MACF1: variants seen among roughly 807,000 people sequenced by gnomAD.
The protein encoded by MACF1 is microtubule actin crosslinking factor 1.
In MACF1, 193 loss-of-function variants were observed where a neutral mutation model predicts 854.8. The ratio of observed to expected loss-of-function variants is 0.23; its 90% CI spans 0.20 to 0.25. The LOEUF is 0.25. MACF1 is among the 10% of genes least tolerant of loss of function. MACF1 has a pLI of 1.00. For missense variants in MACF1, 7,722 were observed against 8,929.1 expected (o/e 0.86, Z 5.45); for synonymous variants, 3,185 against 3,226.7 (o/e 0.99, Z 0.44).
At chr1:39,100,909 C>CGT (rs1557452511) in intron 2 of MACF1, among the ~76,000 whole-genome samples, 4 of 151,124 alleles carry the variant, frequency 2.6e-5, no homozygotes, top group African/African-American at 9.7e-5. Flanking sequence ...TACAAATGCA[C>CGT]GCGCGCGTGT....
rs1044293800 is a variant in MACF1, at chr1:39,100,021, G to A, written c.220+15583G>A. Reference sequence around the variant, plus strand: ...ACTTGAGCCCAAGAGTTCGAGACCAGCCTGGACAGTATGGTGAAATCCTGT... The same window carrying A: ...ACTTGAGCCCAAGAGTTCGAGACCAACCTGGACAGTATGGTGAAATCCTGT... On this transcript the variant is annotated intron_variant, in intron 2 of 93. Coordinates refer to the MACF1 transcript ENST00000361689. Among the ~76,000 whole-genome samples, 48 of 152,168 alleles carry A rather than the reference G, an allele frequency of 3.2e-4. 1 individual carries two copies. Among genetic ancestry groups the A allele is most frequent in the Admixed American group, 3.1e-3 (48 of 15,282 alleles).
intron 2 of MACF1, among the ~76,000 whole-genome samples, chr1:39,246,453 C>T (rs1287701440): frequency 1.3e-5 from 2 of 152,178 alleles, no homozygotes; most frequent in Non-Finnish European, 2.9e-5. Flanking sequence ...GTTAATGGTC[C>T]ACTACTGTTG....
Position 39,441,285 on chromosome 1 carries a change from A to T in MACF1, c.18632A>T (p.Asp6211Val), listed in dbSNP as rs929681931. 6 of 1,614,188 alleles carry T rather than the reference A, an allele frequency of 3.7e-6. No individual in the cohort carries two copies. Among genetic ancestry groups the T allele is most frequent in the African/African-American group, 2.7e-5 (2 of 75,060 alleles). ...TWKERLEKLE[D>V]AMQAAVQYQD... ...AAAGAGAGGCTAGAAAAACTTGAGG[A>T]TGCTATGCAAGCTGCTGTGCAGTAT... The change falls in exon 74 of 101, where the codon GAT becomes GTT. Residue 6211 changes from aspartate (D) to valine (V), a missense_variant. Physicochemically the swap from Asp to Val is radical, Grantham distance 152. This residue lies in a region of MACF1 where 2,807 missense variants were observed against 3,235.8 expected (regional missense o/e 0.87). Coordinates refer to ENST00000564288, the MANE Select transcript of MACF1 (RefSeq NM_001394062.1).
In MACF1 at chr1:39,444,654, T is replaced by C; in HGVS notation, c.19432-8T>C. 3 of 1,603,692 alleles carry C rather than the reference T, an allele frequency of 1.9e-6. No homozygotes were observed. Among genetic ancestry groups the C allele is most frequent in the Non-Finnish European group, 2.6e-6 (3 of 1,172,880 alleles). On this transcript the variant is annotated splice_region_variant and splice_polypyrimidine_tract_variant and intron_variant, in intron 79 of 100. Coordinates refer to ENST00000564288, the MANE Select transcript of MACF1 (RefSeq NM_001394062.1). ...TAGAATTGATATCTTTCCTGCCTTT[T>C]CTTGTAGGAACTCTATTCCCAGCTG...
intron 65 of MACF1, 57 bp downstream of exon 65, chr1:39,430,125 TA>T (rs1643849728): frequency 6.4e-7 from 1 of 1,559,102 alleles, no homozygotes; most frequent in Non-Finnish European, 8.7e-7. Flanking sequence ...TCAGAATCCT[TA>T]AGTTTTATCA....
intron 72 of MACF1, among the ~76,000 whole-genome samples, chr1:39,440,781 C>A (rs574169119): frequency 6.6e-6 from 1 of 151,978 alleles, no homozygotes. Context: ...CCTCACCATA[C>A]CTTTTCTATA....
chr1:39,359,185 A>T lies in MACF1; in HGVS notation c.12165A>T (p.Lys4055Asn). The T allele has an allele frequency of 6.2e-7, 1 of 1,613,704 alleles. No homozygotes were observed. Among genetic ancestry groups the T allele is most frequent in the Non-Finnish European group, 8.5e-7 (1 of 1,179,956 alleles). Reference sequence around the variant, plus strand: ...CTGAGCACCAAGTACCTGTGGAAAAACTCCAAAAAGTAGCTCGTGACATAA... The same window carrying T: ...CTGAGCACCAAGTACCTGTGGAAAATCTCCAAAAAGTAGCTCGTGACATAA... ...ELAEHQVPVEKLQKVARDIME... is the reference protein window; with the variant it reads ...ELAEHQVPVENLQKVARDIME... Residue 4055 changes from lysine to asparagine, a missense_variant, in exon 47 of 101, where the codon AAA becomes AAT. Lys to Asn is a moderately conservative substitution (Grantham distance 94). Coordinates refer to ENST00000564288, the MANE Select transcript of MACF1 (RefSeq NM_001394062.1).
chr1:39,436,231 A>C lies in MACF1; in HGVS notation c.17988+470A>C, dbSNP rs180977692. Among the ~76,000 whole-genome samples, 84 of 152,324 alleles carry C rather than the reference A, an allele frequency of 5.5e-4. 1 individual carries two copies. The East Asian group carries it at 0.011, about 20-fold the overall frequency. ...AAGCATAAACCAGCAGAGGGATTTA[A>C]AGCATGTAACTACATACTTTCAACT... On this transcript the variant is annotated intron_variant, in intron 70 of 100. Transcript: ENST00000564288.
chr1:39,414,418 A>G (rs563855691), intron 58 of MACF1: 3 of 1,614,044 alleles, frequency 1.9e-6, no homozygotes, highest in East Asian at 2.2e-5. Flanking sequence ...AGAGGTGACC[A>G]GCACAGTGCT....
intron 2 of MACF1, among the ~76,000 whole-genome samples, chr1:39,174,229 C>T (rs1372592397): frequency 6.6e-6 from 1 of 152,144 alleles, no homozygotes; most frequent in Non-Finnish European, 1.5e-5. Context: ...TGATTTGGGG[C>T]ATGTTACTTA....
At chr1:39,288,731 C>G (rs1645704933) in intron 15 of MACF1, among the ~76,000 whole-genome samples, 1 of 151,962 alleles carries the variant, frequency 6.6e-6, no homozygotes, top group South Asian at 2.1e-4. Context: ...GCAGAGGTTG[C>G]AAGTGAGCCA....
chr1:39,167,788 C>T (rs1010937087), intron 2 of MACF1, among the ~76,000 whole-genome samples: 6 of 151,176 alleles, frequency 4.0e-5, no homozygotes, highest in East Asian at 1.9e-4. Flanking sequence ...GTAAGAGAAT[C>T]GCTTGAGCCA....
intron 2 of MACF1, among the ~76,000 whole-genome samples, chr1:39,171,227 G>T (rs917335767): frequency 4.0e-4 from 60 of 151,786 alleles, no homozygotes; most frequent in African/African-American, 1.4e-3. Context: ...GTGTGTGTGT[G>T]TATGTGTGTG....
At position 39,177,417 on chromosome 1, in the gene MACF1, C is replaced by T. The variant is rs149345465; in HGVS notation, c.221-53765C>T. On this transcript the variant is annotated intron_variant, in intron 2 of 93. Transcript: ENST00000361689. ...CATTACAGGCGTGAGCCACCTTTCC[C>T]GGCCTAACTACTGTTTCTATAGAAG... 8.8e-4 allele frequency among the ~76,000 whole-genome samples: 134 copies of T among 152,264 alleles called. 1 individual carries two copies. Among genetic ancestry groups the T allele is most frequent in the Middle Eastern group, 6.8e-3 (2 of 294 alleles).
chr1:39,465,485 A>G (rs945770414), intron 95 of MACF1, among the ~76,000 whole-genome samples: 23 of 152,250 alleles, frequency 1.5e-4, no homozygotes, highest in Admixed American at 2.6e-4. Flanking sequence ...TGGTAAGTCA[A>G]TTCCTGAAGA....
intron 58 of MACF1, chr1:39,410,909 A>T: frequency 6.2e-7 from 1 of 1,614,020 alleles, no homozygotes; most frequent in Non-Finnish European, 8.5e-7. Flanking sequence ...TTAAGTGGAG[A>T]CTGCCAGGAC....
intron 2 of MACF1, among the ~76,000 whole-genome samples, chr1:39,118,407 C>T (rs1642599784): frequency 6.6e-6 from 1 of 152,228 alleles, no homozygotes; most frequent in South Asian, 2.1e-4. Flanking sequence ...CTTTGAGGTC[C>T]TCATACCTTT....
intron 2 of MACF1, among the ~76,000 whole-genome samples, chr1:39,243,178 G>A (rs1163577196): frequency 6.6e-6 from 1 of 152,058 alleles, no homozygotes; most frequent in East Asian, 1.9e-4. Flanking sequence ...TTTTCCTTAT[G>A]GCTAATGATG....
chr1:39,394,087 G>A (rs1642172778), intron 58 of MACF1, among the ~76,000 whole-genome samples: 1 of 152,116 alleles, frequency 6.6e-6, no homozygotes, highest in African/African-American at 2.4e-5. Flanking sequence ...GTTCTAATAG[G>A]TGCAGCATCA....
Sources: allele counts gnomAD v4.1 joint callset (sites outside exome capture counted in the v4.1 genomes callset), GRCh38; gene constraint gnomAD v4.1.1; regional missense constraint gnomAD v4.1.1; transcripts MANE v1.5; gene names NCBI Gene and HGNC (gene_info 2026-07-23, HGNC 2026-07-21).